The following COL4A5 variants were observed in gnomAD, a reference collection of about 807,000 sequenced individuals.
COL4A5 encodes the protein collagen alpha-5(IV) chain.
COL4A5 carries 26 observed loss-of-function variants against 130.2 expected under a neutral mutation model. That is an observed-to-expected ratio of 0.20 (90% confidence interval 0.15 to 0.28). The LOEUF (loss-of-function observed/expected upper bound fraction) is 0.28, where lower values mean the gene tolerates loss of function less well. Among genes scored for constraint, COL4A5 ranks in the 10% least tolerant of loss-of-function variants. The probability of loss-of-function intolerance (pLI) is 1.00; values close to 1 mark genes in which losing one functional copy is unlikely to be tolerated. For synonymous variants in COL4A5, 496 were observed against 439.6 expected (o/e 1.13, Z -1.60); for missense variants, 1,131 against 1,344.3 (o/e 0.84, Z 2.48).
rs750680981 is a variant in COL4A5, at chrX:108,538,966, G to A, written c.82-780G>A. On this transcript the variant is annotated intron_variant, in intron 1 of 52. Coordinates refer to ENST00000328300, the MANE Select transcript of COL4A5 (RefSeq NM_033380.3). ...CTAGACTGTGGGAGCAGCATTTATGGTAAAGCTGTTAGAGACTGAGCTATT... is the reference window on the plus strand; with the variant it reads ...CTAGACTGTGGGAGCAGCATTTATGATAAAGCTGTTAGAGACTGAGCTATT... Among the ~76,000 whole-genome samples the A allele has an allele frequency of 2.7e-5, 3 of 111,590 alleles. No individual in the cohort carries two copies. The East Asian group carries it at 8.5e-4, about 32-fold the overall frequency.
At chrX:108,638,159 CA>C (rs757697610) in intron 36 of COL4A5, among the ~76,000 whole-genome samples, 1 of 110,764 alleles carries the variant, frequency 9.0e-6, no homozygotes, top group Non-Finnish European at 1.9e-5. Context: ...AATATTGATG[CA>C]AAAAATCCTT....
intron 47 of COL4A5, among the ~76,000 whole-genome samples, chrX:108,684,756 G>A (rs1443382761): frequency 8.9e-6 from 1 of 112,249 alleles, no homozygotes; most frequent in Non-Finnish European, 1.9e-5. Flanking sequence ...AATTTCATGA[G>A]GTCAGCGTCA....
chrX:108,623,795 T>C (rs1373525838), intron 33 of COL4A5, among the ~76,000 whole-genome samples: 2 of 111,525 alleles, frequency 1.8e-5, no homozygotes, highest in Non-Finnish European at 3.8e-5. Context: ...AGAGGCAGGG[T>C]CACCTAATTT....
At chrX:108,528,114 T>C (rs2065345550) in intron 1 of COL4A5, among the ~76,000 whole-genome samples, 1 of 111,922 alleles carries the variant, frequency 8.9e-6, no homozygotes, top group Non-Finnish European at 1.9e-5. Flanking sequence ...TAAAATGCTC[T>C]AGGGCACAAA....
intron 39 of COL4A5, among the ~76,000 whole-genome samples, chrX:108,666,841 C>G (rs1338228418): frequency 9.0e-6 from 1 of 111,453 alleles, no homozygotes; most frequent in African/African-American, 3.3e-5. Flanking sequence ...AAGAAGTTAC[C>G]TAGCCTTTGC....
In COL4A5 at chrX:108,619,567, T is replaced by C. The variant is rs183932893; in HGVS notation, c.2510-692T>C. Among the ~76,000 whole-genome samples, 454 of 112,155 alleles carry C rather than the reference T, an allele frequency of 4.0e-3. 3 individuals are homozygous for C. Among genetic ancestry groups the C allele is most frequent in the African/African-American group, 0.013 (405 of 30,932 alleles). The stretch of plus-strand genomic sequence containing the variant: ...CTTACTAAGGTTAAATATTTTTTGC[T>C]GTGTCATTTTTTTTCTGTAAAATCT... On this transcript the variant is annotated intron_variant, in intron 30 of 52. Coordinates refer to ENST00000328300, the MANE Select transcript of COL4A5 (RefSeq NM_033380.3).
At chrX:108,516,722 A>G (rs763581663) in intron 1 of COL4A5, among the ~76,000 whole-genome samples, 1 of 112,165 alleles carries the variant, frequency 8.9e-6, no homozygotes, top group Admixed American at 9.5e-5. Flanking sequence ...TAACATCCAG[A>G]AATAAATTCT....
intron 18 of COL4A5, among the ~76,000 whole-genome samples, chrX:108,586,332 T>C (rs1367244570): frequency 9.0e-6 from 1 of 111,340 alleles, no homozygotes; most frequent in Non-Finnish European, 1.9e-5. Flanking sequence ...CTGTAAAGAA[T>C]TGTCAGGCTT....
chrX:108,577,278 A>G (rs776485193), intron 10 of COL4A5, among the ~76,000 whole-genome samples: 16 of 106,764 alleles, frequency 1.5e-4, no homozygotes, highest in Non-Finnish European at 2.1e-4. Context: ...AGGCTGAGAC[A>G]GGAAAATCGC....
chrX:108,459,676 T>G (rs1363019072), intron 1 of COL4A5, among the ~76,000 whole-genome samples: 1 of 112,355 alleles, frequency 8.9e-6, no homozygotes, highest in Non-Finnish European at 1.9e-5. Flanking sequence ...GAGCAGTGAC[T>G]ATATTTCAAA....
intron 1 of COL4A5, among the ~76,000 whole-genome samples, chrX:108,456,057 C>T (rs984224949): frequency 3.6e-5 from 4 of 110,924 alleles, no homozygotes; most frequent in African/African-American, 1.3e-4. Flanking sequence ...AATTTAGGAA[C>T]AACTGAAATC....
At chrX:108,568,980 A>G in intron 6 of COL4A5, 159 bp downstream of exon 6, 6 of 455,439 alleles carry the variant, frequency 1.3e-5, no homozygotes, top group Non-Finnish European at 2.3e-5. Context: ...TATATATTGA[A>G]CTATCAATAA....
chrX:108,449,033 G>A lies in COL4A5; in HGVS notation c.81+8827G>A, dbSNP rs1054082637. ...TGGAAACTTTCTAAGGAGTCCCACA[G>A]CACCACCCTGAAAACACCTCTTATT... On this transcript the variant is annotated intron_variant, in intron 1 of 52. Coordinates refer to ENST00000328300, the MANE Select transcript of COL4A5 (RefSeq NM_033380.3). Among the ~76,000 whole-genome samples the A allele has an allele frequency of 2.7e-5, 3 of 111,694 alleles. No homozygotes were observed. In the Admixed American group the frequency reaches 2.9e-4, roughly 11 times the overall value.
intron 1 of COL4A5, among the ~76,000 whole-genome samples, chrX:108,496,710 G>A (rs1603256463): frequency 9.0e-6 from 1 of 111,136 alleles, no homozygotes; most frequent in Admixed American, 9.5e-5. Flanking sequence ...TTGAAGCTCT[G>A]TTAGTTGTAT....
At position 108,666,571 on chromosome X, in the gene COL4A5, C is replaced by A. The variant is rs759897999; in HGVS notation, c.3530C>A (p.Pro1177Gln). 1 of 1,205,577 alleles carries A rather than the reference C, an allele frequency of 8.3e-7. No individual in the cohort carries two copies. The highest frequency in any genetic ancestry group is 1.8e-5 in the South Asian group (1 of 55,931). Residue 1177 changes from proline to glutamine, a missense_variant, in exon 39 of 53, where the codon CCA becomes CAA. Pro to Gln is a moderately conservative substitution (Grantham distance 76). Coordinates refer to ENST00000328300, the MANE Select transcript of COL4A5 (RefSeq NM_033380.3). ...CCCGGTCAAGATGGTATTCCTGGAC[C>A]AGCTGGACAGAAGGGTGAACCAGGT... is the stretch of plus-strand genomic sequence containing the variant. ...GKPGQDGIPG[P>Q]AGQKGEPGQP...
intron 1 of COL4A5, among the ~76,000 whole-genome samples, chrX:108,472,603 A>T (rs1327840112): frequency 1.8e-5 from 2 of 111,615 alleles, no homozygotes; most frequent in African/African-American, 6.5e-5. Context: ...GGGTGACTTA[A>T]AGCCTAATTT....
intron 1 of COL4A5, among the ~76,000 whole-genome samples, chrX:108,484,572 C>T (rs1569476385): frequency 8.9e-6 from 1 of 112,375 alleles, no homozygotes; most frequent in Non-Finnish European, 1.9e-5. Flanking sequence ...ACCACCTTGG[C>T]GGTGTTGCAT....
chrX:108,496,942 G>A (rs1414621675), intron 1 of COL4A5, among the ~76,000 whole-genome samples: 1 of 111,404 alleles, frequency 9.0e-6, no homozygotes, highest in East Asian at 2.8e-4. Flanking sequence ...TATTCACAGA[G>A]CTGTACAATC....
chrX:108,534,207 C>T (rs1015830597), intron 1 of COL4A5, among the ~76,000 whole-genome samples: 15 of 110,769 alleles, frequency 1.4e-4, no homozygotes, highest in Admixed American at 1.9e-4. Context: ...CATAGCATCA[C>T]CATACAACCC....
Sources: allele counts gnomAD v4.1 joint callset (sites outside exome capture counted in the v4.1 genomes callset), GRCh38; gene constraint gnomAD v4.1.1; transcripts MANE v1.5; gene names NCBI Gene and HGNC (gene_info 2026-07-23, HGNC 2026-07-21).